ERG: variants seen among roughly 807,000 people sequenced by gnomAD.
ERG encodes ETS transcription factor ERG, also known as transcriptional regulator ERG.
Under a neutral mutation model 55.3 loss-of-function variants are expected in ERG, and 9 were observed. The observed-to-expected ratio is 0.16, with a 90% CI of 0.10 to 0.28. ERG has a LOEUF of 0.28. Among genes scored for constraint, ERG ranks in the 10% least tolerant of loss-of-function variants. ERG has a pLI of 1.00. For synonymous variants in ERG, 223 were observed against 237.3 expected (o/e 0.94, Z 0.55); for missense variants, 434 against 631.6 (o/e 0.69, Z 3.35).
At chr21:38,437,696 T>C (rs369274039) in intron 2 of ERG, among the ~76,000 whole-genome samples, 2 of 152,300 alleles carry the variant, frequency 1.3e-5, no homozygotes, top group South Asian at 2.1e-4. Context: ...CCTTGGCCCA[T>C]CCTCGCTTCC....
chr21:38,556,529 T>C (rs2059859375), intron 2 of ERG, among the ~76,000 whole-genome samples: 1 of 152,148 alleles, frequency 6.6e-6, no homozygotes, highest in Non-Finnish European at 1.5e-5. Flanking sequence ...GCCAAGCCTT[T>C]CCAATATCCC....
chr21:38,563,038 G>A (rs1407384709), intron 2 of ERG, among the ~76,000 whole-genome samples: 1 of 152,200 alleles, frequency 6.6e-6, no homozygotes, highest in African/African-American at 2.4e-5. Context: ...GCTACATAGT[G>A]TATGATTCCA....
At chr21:38,594,927 T>C (rs143940681) in intron 1 of ERG, among the ~76,000 whole-genome samples, 1 of 152,184 alleles carries the variant, frequency 6.6e-6, no homozygotes, top group Non-Finnish European at 1.5e-5. Flanking sequence ...GAGAAGGGAT[T>C]TGCCAAGCAA....
At chr21:38,539,193 G>A (rs527237097) in intron 2 of ERG, among the ~76,000 whole-genome samples, 4 of 152,110 alleles carry the variant, frequency 2.6e-5, no homozygotes, top group African/African-American at 9.7e-5. Context: ...CAGAGAGGAC[G>A]CAACAAAAAT....
chr21:38,579,978 G>A (rs1264648931), intron 1 of ERG, among the ~76,000 whole-genome samples: 1 of 151,960 alleles, frequency 6.6e-6, no homozygotes, highest in Non-Finnish European at 1.5e-5. Flanking sequence ...CCACCACCAC[G>A]CCTGGCTAAT....
At chr21:38,517,344 G>A (rs1568874816) in intron 2 of ERG, among the ~76,000 whole-genome samples, 1 of 151,696 alleles carries the variant, frequency 6.6e-6, no homozygotes, top group Non-Finnish European at 1.5e-5. Flanking sequence ...TGGCCATCAA[G>A]CATATGAAAA....
At chr21:38,640,995 T>A (rs1412344791) in intron 1 of ERG, among the ~76,000 whole-genome samples, 1 of 152,194 alleles carries the variant, frequency 6.6e-6, no homozygotes, top group Non-Finnish European at 1.5e-5. Context: ...TGATAAAACA[T>A]GTAGAAAATT....
At chr21:38,499,394 A>T (rs2059404395), upstream of ERG, among the ~76,000 whole-genome samples, 1 of 152,226 alleles carries the variant, frequency 6.6e-6, no homozygotes, top group Non-Finnish European at 1.5e-5. Flanking sequence ...AGGCCTGAAC[A>T]TTCCTTAGAG....
intron 2 of ERG, among the ~76,000 whole-genome samples, chr21:38,429,389 A>G (rs1209494494): frequency 3.2e-5 from 1 of 31,032 alleles, no homozygotes; most frequent in Non-Finnish European, 1.3e-4. Flanking sequence ...ATATATATGT[A>G]CACATATACA....
chr21:38,570,492 G>A (rs1202892581), intron 2 of ERG, among the ~76,000 whole-genome samples: 1 of 152,174 alleles, frequency 6.6e-6, no homozygotes. Context: ...ATCAGAGACA[G>A]GATGATGTTT....
At chr21:38,642,766 T>C (rs1320145034) in intron 1 of ERG, among the ~76,000 whole-genome samples, 1 of 152,300 alleles carries the variant, frequency 6.6e-6, no homozygotes, top group East Asian at 1.9e-4. Context: ...TTCAGCATCA[T>C]TGGTCAAAGG....
intron 1 of ERG, among the ~76,000 whole-genome samples, chr21:38,448,668 A>G (rs996618752): frequency 6.6e-6 from 1 of 152,234 alleles, no homozygotes; most frequent in East Asian, 1.9e-4. Context: ...ACTAAAGTTA[A>G]GTGCTGCTCT....
At chr21:38,440,309 G>A (rs1281344344) in intron 2 of ERG, among the ~76,000 whole-genome samples, 1 of 152,228 alleles carries the variant, frequency 6.6e-6, no homozygotes, top group Non-Finnish European at 1.5e-5. Context: ...TGCACTCCTG[G>A]CGGGGCTCCT....
chr21:38,583,668 A>G lies in ERG; in HGVS notation c.-127+1176T>C, dbSNP rs140411968. 3.0e-3 allele frequency among the ~76,000 whole-genome samples: 458 copies of G among 152,330 alleles called. 4 individuals carry two copies. Among genetic ancestry groups the G allele is most frequent in the Non-Finnish European group, 5.1e-3 (344 of 68,026 alleles). On this transcript the variant is annotated intron_variant, in intron 1 of 8. Transcript: ENST00000398897. ...GTGATGATAGAGAGGTAGGGCCTTTACAGAGGCAATCAAATTAAAGTGAGG... is the reference window on the plus strand; with the variant it reads ...GTGATGATAGAGAGGTAGGGCCTTTGCAGAGGCAATCAAATTAAAGTGAGG...
rs915901876 is a variant in ERG, at chr21:38,380,215, C to G, written c.*3188G>C. On this transcript the variant is annotated 3_prime_UTR_variant, in exon 10 of 10. Transcript: ENST00000288319. Reference sequence around the variant, plus strand: ...CTGTGCTTTCCCTGTGCCCCATCACCTTCCCAGCTCCTGAGCTGTAGCCAT... The same window carrying G: ...CTGTGCTTTCCCTGTGCCCCATCACGTTCCCAGCTCCTGAGCTGTAGCCAT... 4 of 1,051,936 alleles carry G rather than the reference C, an allele frequency of 3.8e-6. No homozygotes were observed. Among genetic ancestry groups the G allele is most frequent in the Non-Finnish European group, 3.4e-6 (3 of 870,988 alleles). The allele number at this position is 1,051,936 out of a possible 1,614,324, so 65.2% of individuals were successfully genotyped here.
intron 1 of ERG, among the ~76,000 whole-genome samples, chr21:38,473,444 A>C (rs1055058719): frequency 1.3e-4 from 20 of 151,070 alleles, no homozygotes; most frequent in African/African-American, 4.9e-4. Context: ...TATATATACA[A>C]AGCTGTTTTT....
chr21:38,528,433 C>CTTTT (rs869069278), intron 2 of ERG, among the ~76,000 whole-genome samples: 769 of 23,502 alleles, frequency 0.033, 305 homozygotes, highest in East Asian at 0.093. Flanking sequence ...CCATAGCAAA[C>CTTTT]TTTTTTTTTT....
chr21:38,391,116 C>A, intron 8 of ERG, 74 bp from the exon 9 acceptor site: 1 of 1,248,764 alleles, frequency 8.0e-7, no homozygotes, highest in Non-Finnish European at 1.2e-6. Flanking sequence ...AGACATAATG[C>A]CTGACTTAAT....
At chr21:38,488,800 C>T (rs963796470) in intron 1 of ERG, among the ~76,000 whole-genome samples, 2 of 152,208 alleles carry the variant, frequency 1.3e-5, no homozygotes, top group African/African-American at 4.8e-5. Flanking sequence ...TCAAAGGAGA[C>T]AGAGGTGCCT....
Sources: allele counts gnomAD v4.1 joint callset (sites outside exome capture counted in the v4.1 genomes callset), GRCh38; gene constraint gnomAD v4.1.1; transcripts MANE v1.5; gene names NCBI Gene and HGNC (gene_info 2026-07-23, HGNC 2026-07-21).